Variants in SYNJ2BP observed in about 807,000 individuals in gnomAD.
The protein encoded by SYNJ2BP is synaptojanin 2 binding protein.
In SYNJ2BP, 10 loss-of-function variants were observed where a neutral mutation model predicts 16.9. The observed-to-expected ratio is 0.59, with a 90% confidence interval of 0.36 to 1.00. The LOEUF (loss-of-function observed/expected upper bound fraction) is 1.00. Among genes scored for constraint, SYNJ2BP ranks in the 50% least tolerant of loss-of-function variants. SYNJ2BP has a pLI of 0.01. For missense variants in SYNJ2BP, 162 were observed against 186.7 expected (o/e 0.87, Z 0.77); for synonymous variants, 54 against 68.4 (o/e 0.79, Z 1.04).
chr14:70,371,838 T>A lies in SYNJ2BP; in HGVS notation c.*1153A>T, dbSNP rs1887524531. The A allele has an allele frequency of 6.6e-6, 1 of 152,234 alleles. No individual in the cohort carries two copies. Among genetic ancestry groups the A allele is most frequent in the Non-Finnish European group, 1.5e-5 (1 of 68,042 alleles). 9.4% of individuals were successfully genotyped at this position (152,234 alleles called of 1,614,324 possible). ...AGCCTGAGAGGGTTCAGGTGCCACCTTGGAGGCACTACCTTATCTTTTGTC... is the reference window on the plus strand; with the variant it reads ...AGCCTGAGAGGGTTCAGGTGCCACCATGGAGGCACTACCTTATCTTTTGTC... On this transcript the variant is annotated 3_prime_UTR_variant, in exon 4 of 4. Coordinates refer to ENST00000256366, the MANE Select transcript of SYNJ2BP (RefSeq NM_018373.3).
intron 1 of SYNJ2BP, among the ~76,000 whole-genome samples, chr14:70,401,212 T>A (rs1300120379): frequency 1.3e-5 from 2 of 152,200 alleles, no homozygotes; most frequent in East Asian, 3.8e-4. Context: ...ACAAACTGAA[T>A]GAGAGACCTA....
At position 70,375,909 on chromosome 14, in the gene SYNJ2BP, A is replaced by G. The variant is rs530538098; in HGVS notation, c.202-138T>C. The G allele has an allele frequency of 3.3e-5, 35 of 1,069,654 alleles. No homozygotes were observed. The African/African-American group carries it at 5.0e-4, about 15-fold the overall frequency. The allele number at this position is 1,069,654 out of a possible 1,614,324, so 66.3% of individuals were successfully genotyped here. On this transcript the variant is annotated intron_variant, in intron 2 of 3. Coordinates refer to ENST00000256366, the MANE Select transcript of SYNJ2BP (RefSeq NM_018373.3). ...ACTAGGAGTATGGGCAAAGTTACTT[A>G]GAGCTCAGAACTTAGAACTTTTTTC...
intron 1 of SYNJ2BP, among the ~76,000 whole-genome samples, chr14:70,400,266 T>C (rs762922593): frequency 6.6e-6 from 1 of 152,200 alleles, no homozygotes; most frequent in Non-Finnish European, 1.5e-5. Context: ...ACTAAGAAAT[T>C]TGGTAACCTC....
chr14:70,402,059 T>A (rs11625168), intron 1 of SYNJ2BP, among the ~76,000 whole-genome samples: 104,184 of 151,978 alleles, frequency 0.69, 36,273 homozygotes, highest in Non-Finnish European at 0.75. Flanking sequence ...CAAGGAACGC[T>A]GAAAAAACAC....
chr14:70,388,498 C>T lies in SYNJ2BP; in HGVS notation c.173G>A (p.Arg58Gln), dbSNP rs1401454510. ...KENGAAALDG[R>Q]LQEGDKILSV... ...AAGGATCTTATCACCCTCCTGGAGC[C>T]GCCCATCCAGGGCCGCAGCCCCATT... The change falls in exon 2 of 4, where the codon CGG (arginine) becomes CAG (glutamine). Residue 58 changes from arginine to glutamine, a missense_variant. Physicochemically the swap from Arg to Gln is conservative, Grantham distance 43. Transcript: ENST00000256366. The T allele has an allele frequency of 1.9e-6, 3 of 1,587,580 alleles. No individual in the cohort carries two copies. The highest frequency in any genetic ancestry group is 1.2e-5 in the South Asian group (1 of 86,222).
intron 1 of SYNJ2BP, among the ~76,000 whole-genome samples, chr14:70,415,550 CA>C (rs1224306215): frequency 0.048 from 3,094 of 64,888 alleles, 71 homozygotes; most frequent in African/African-American, 0.14. Flanking sequence ...GACCCTGTCT[CA>C]AAAAAAAAAA....
At position 70,370,128 on chromosome 14, in the gene SYNJ2BP, C is replaced by T. The variant is rs1311782544; in HGVS notation, c.*2863G>A. ...AGTACATCAGAATCTCTATTATCAA[C>T]CAAAGCAAAACTTCTACCAACGACA... On this transcript the variant is annotated 3_prime_UTR_variant, in exon 4 of 4. Transcript: ENST00000256366. 6.6e-6 allele frequency: 1 copy of T among 152,156 alleles called. No homozygotes were observed. The highest frequency in any genetic ancestry group is 1.5e-5 in the Non-Finnish European group (1 of 68,020). 9.4% of individuals were successfully genotyped at this position (152,156 alleles called of 1,614,324 possible). A position where few individuals can be genotyped will look rare whatever the true frequency, so the allele number is the denominator to read the frequency against.
intron 1 of SYNJ2BP, among the ~76,000 whole-genome samples, chr14:70,404,740 G>A (rs1184585219): frequency 3.3e-5 from 5 of 152,142 alleles, no homozygotes; most frequent in African/African-American, 1.2e-4. Flanking sequence ...TGCATATAAA[G>A]AAAGTAAGAT....
At chr14:70,397,316 A>T (rs983679325) in intron 1 of SYNJ2BP, among the ~76,000 whole-genome samples, 26 of 152,206 alleles carry the variant, frequency 1.7e-4, no homozygotes, top group Middle Eastern at 3.4e-3. Context: ...TGTTGTTCAA[A>T]TCCTCTCTTT....
chr14:70,408,102 G>GT (rs570551966), intron 1 of SYNJ2BP, among the ~76,000 whole-genome samples: 8,561 of 142,340 alleles, frequency 0.06, 324 homozygotes, highest in African/African-American at 0.1. Context: ...CTTCTAACAG[G>GT]TTTTTTTTTT....
At chr14:70,403,004 C>A (rs1888272781) in intron 1 of SYNJ2BP, among the ~76,000 whole-genome samples, 2 of 152,204 alleles carry the variant, frequency 1.3e-5, no homozygotes, top group Non-Finnish European at 2.9e-5. Context: ...TTTAAAGATA[C>A]TTTTCCTGGC....
At chr14:70,403,940 C>T (rs1449925677) in intron 1 of SYNJ2BP, among the ~76,000 whole-genome samples, 1 of 152,072 alleles carries the variant, frequency 6.6e-6, no homozygotes, top group Non-Finnish European at 1.5e-5. Context: ...AACTCAAATG[C>T]CTTTTAGTTC....
chr14:70,406,691 TCTA>T (rs771275072), intron 1 of SYNJ2BP, among the ~76,000 whole-genome samples: 22 of 152,092 alleles, frequency 1.4e-4, no homozygotes, highest in Non-Finnish European at 3.1e-4. Flanking sequence ...AACTAACTCA[TCTA>T]GTCTTTGTAG....
chr14:70,371,743 G>C lies in SYNJ2BP; in HGVS notation c.*1248C>G, dbSNP rs1469227815. On this transcript the variant is annotated 3_prime_UTR_variant, in exon 4 of 4. Transcript: ENST00000256366. Reference sequence around the variant, plus strand: ...CATTTTAACTAAATCTGAAGCCAGAGTTGATTTGATGCCCATCCTGCCAGG... The same window carrying C: ...CATTTTAACTAAATCTGAAGCCAGACTTGATTTGATGCCCATCCTGCCAGG... The C allele has an allele frequency of 6.6e-6, 1 of 152,220 alleles. No individual in the cohort carries two copies. The highest frequency in any genetic ancestry group is 1.9e-4 in the East Asian group (1 of 5,190). The allele number at this position is 152,220 out of a possible 1,614,324, so 9.4% of individuals were successfully genotyped here.
rs150517059 is a variant in SYNJ2BP, at chr14:70,416,575, AAAG to A, written c.64+322_64+324del. Among the ~76,000 whole-genome samples, 1,373 of 152,262 alleles carry A rather than the reference AAAG, an allele frequency of 9.0e-3. 14 individuals carry two copies. The highest frequency in any genetic ancestry group is 0.031 in the African/African-American group (1,286 of 41,540). On this transcript the variant is annotated intron_variant, in intron 1 of 3. Transcript: ENST00000256366. The stretch of plus-strand genomic sequence containing the variant: ...GGGGGAGGGATAGAACAGGCAACGG[AAAG>A]AAGGATGTGGTATCCACGATAAGCA...
chr14:70,370,256 C>T lies in SYNJ2BP; in HGVS notation c.*2735G>A, dbSNP rs1244884540. On this transcript the variant is annotated 3_prime_UTR_variant, in exon 4 of 4. Coordinates refer to ENST00000256366, the MANE Select transcript of SYNJ2BP (RefSeq NM_018373.3). The stretch of plus-strand genomic sequence containing the variant: ...TTCACTTTGTGTGTCTCAAGGCTCT[C>T]TCAGGAATCAGTGTCCAAACCATGA... 1.3e-5 allele frequency: 2 copies of T among 152,162 alleles called. No individual in the cohort carries two copies. Among genetic ancestry groups the T allele is most frequent in the African/African-American group, 4.8e-5 (2 of 41,410 alleles). 9.4% of individuals were successfully genotyped at this position (152,162 alleles called of 1,614,324 possible).
At chr14:70,388,789 T>C (rs1887916403) in intron 1 of SYNJ2BP, among the ~76,000 whole-genome samples, 183 bp from the exon 2 acceptor site, 2 of 152,036 alleles carry the variant, frequency 1.3e-5, no homozygotes, top group South Asian at 4.2e-4. Context: ...ATATCAAGAG[T>C]ATTGAGTTGC....
At chr14:70,416,196 A>G (rs1040260595) in intron 1 of SYNJ2BP, among the ~76,000 whole-genome samples, 2 of 152,222 alleles carry the variant, frequency 1.3e-5, no homozygotes, top group Non-Finnish European at 2.9e-5. Flanking sequence ...GGGGAAGAGG[A>G]TAGCAGTTTG....
chr14:70,382,587 G>A (rs984798406), intron 2 of SYNJ2BP, among the ~76,000 whole-genome samples: 3 of 152,164 alleles, frequency 2.0e-5, no homozygotes, highest in Admixed American at 6.5e-5. Flanking sequence ...GCTGGTCCTT[G>A]AACCTCACTT....
Sources: gnomAD v4.1 joint callset for allele counts (sites outside exome capture counted in the v4.1 genomes callset) on GRCh38, gnomAD v4.1.1 for gene constraint, MANE v1.5 for transcripts, NCBI Gene and HGNC (gene_info 2026-07-23, HGNC 2026-07-21) for gene names.